CCDC7: variants seen among roughly 807,000 people sequenced by gnomAD.
CCDC7 encodes the protein coiled-coil domain-containing protein 7.
Under a neutral mutation model 196.9 loss-of-function variants are expected in CCDC7, and 183 were observed. That is an observed-to-expected ratio of 0.93 (90% CI 0.82 to 1.05). CCDC7 has a LOEUF of 1.05. Ranked by LOEUF, CCDC7 falls within the 50% of genes least tolerant of loss-of-function variation. CCDC7 has a pLI of 0.00. For synonymous variants in CCDC7, 525 were observed against 484.6 expected, an observed-to-expected ratio of 1.08 and a Z score of -1.10; for missense variants, 1,540 against 1,482.2, an observed-to-expected ratio of 1.04 and a Z score of -0.64.
At chr10:32,594,791 G>C (rs144875344) in intron 18 of CCDC7, among the ~76,000 whole-genome samples, 15,987 of 152,152 alleles carry the variant, frequency 0.11, 1,040 homozygotes, top group South Asian at 0.25. Context: ...GGCCTTTTCT[G>C]CATCTGTTGA....
At chr10:32,446,596 T>G (rs2031110544) in intron 1 of CCDC7, 199 bp downstream of exon 1, 1 of 152,172 alleles carries the variant, frequency 6.6e-6, no homozygotes, top group African/African-American at 2.4e-5. Flanking sequence ...TCTCCTCTAT[T>G]TTGTACACTT....
At chr10:32,604,619 T>G (rs1220089792) in intron 18 of CCDC7, among the ~76,000 whole-genome samples, 3 of 152,190 alleles carry the variant, frequency 2.0e-5, no homozygotes, top group African/African-American at 7.2e-5. Flanking sequence ...TTTACAGCTT[T>G]CTTTACAGAG....
intron 21 of CCDC7, among the ~76,000 whole-genome samples, chr10:32,677,650 C>A (rs2075232336): frequency 6.6e-6 from 1 of 151,590 alleles, no homozygotes. Flanking sequence ...TCAAAATTTT[C>A]TTTGAGTTTT....
chr10:32,684,811 G>A (rs1191456050), intron 21 of CCDC7, among the ~76,000 whole-genome samples: 4 of 152,230 alleles, frequency 2.6e-5, no homozygotes, highest in Admixed American at 6.5e-5. Context: ...TGTGTGTACC[G>A]TCTCTTCTCC....
At chr10:32,857,327 A>AT (rs959407802) in intron 41 of CCDC7, among the ~76,000 whole-genome samples, 4 of 152,100 alleles carry the variant, frequency 2.6e-5, no homozygotes, top group African/African-American at 4.8e-5. Flanking sequence ...CAGAACATAC[A>AT]TTTTTTTCTA....
intron 8 of CCDC7, among the ~76,000 whole-genome samples, chr10:32,483,866 G>C (rs1346150161): frequency 6.6e-6 from 1 of 152,098 alleles, no homozygotes; most frequent in African/African-American, 2.4e-5. Flanking sequence ...TCTCTGTTTT[G>C]ATACCAGTAC....
rs867318723 is a variant in CCDC7, at chr10:32,629,492, T to A, written c.1802-4762T>A. On this transcript the variant is annotated intron_variant, in intron 18 of 41. Coordinates refer to ENST00000639629, the Ensembl canonical transcript of CCDC7. ...AGGCTACAAAAGTCGGTCTCCTTGA[T>A]GTGCATATAAACTACAAGAGAGAGA... Among the ~76,000 whole-genome samples the A allele has an allele frequency of 5.6e-4, 85 of 152,222 alleles. No individual in the cohort carries two copies. In the Middle Eastern group the frequency reaches 0.014, roughly 24 times the overall value.
chr10:32,733,964 T>C (rs958476686), intron 28 of CCDC7, among the ~76,000 whole-genome samples: 3 of 152,122 alleles, frequency 2.0e-5, no homozygotes, highest in Admixed American at 6.6e-5. Flanking sequence ...AAGAGAACAC[T>C]TACACACTGT....
intron 28 of CCDC7, among the ~76,000 whole-genome samples, chr10:32,775,288 G>T (rs1416803806): frequency 6.6e-6 from 1 of 152,066 alleles, no homozygotes; most frequent in African/African-American, 2.4e-5. Context: ...AGTATCAGAG[G>T]GCTATGGAAA....
intron 24 of CCDC7, among the ~76,000 whole-genome samples, chr10:32,695,481 G>A (rs2077593439): frequency 5.3e-5 from 8 of 152,200 alleles, no homozygotes; most frequent in Admixed American, 5.2e-4. Context: ...TAAGGGTAGA[G>A]GTCTTATTGG....
intron 17 of CCDC7, 64 bp downstream of exon 18, chr10:32,583,371 T>C: frequency 9.2e-7 from 1 of 1,082,084 alleles, no homozygotes; most frequent in Non-Finnish European, 1.2e-6. Context: ...AAATAAATGC[T>C]AACCCATTTA....
At chr10:32,853,906 C>T (rs1369082305) in intron 40 of CCDC7, among the ~76,000 whole-genome samples, 2 of 152,056 alleles carry the variant, frequency 1.3e-5, no homozygotes, top group Non-Finnish European at 2.9e-5. Context: ...ATTTCAGATT[C>T]ATGGGGTATA....
chr10:32,683,682 G>T (rs1412723362), intron 21 of CCDC7, among the ~76,000 whole-genome samples: 1 of 152,152 alleles, frequency 6.6e-6, no homozygotes, highest in Admixed American at 6.5e-5. Context: ...TCACTGTAGA[G>T]ATCTTTCACC....
At chr10:32,462,889 G>T in intron 4 of CCDC7, 128 bp from the exon 6 acceptor site, 5 of 1,418,402 alleles carry the variant, frequency 3.5e-6, no homozygotes, top group South Asian at 2.6e-5. Context: ...GTGATGTTTC[G>T]GTCAGGGCTG....
chr10:32,479,838 CTTT>C (rs61485925), intron 8 of CCDC7, among the ~76,000 whole-genome samples: 5 of 145,620 alleles, frequency 3.4e-5, no homozygotes, highest in Non-Finnish European at 3.0e-5. Flanking sequence ...CTGGTTTTTT[CTTT>C]TTTTTTTTTT....
rs114850797 is a variant in CCDC7 at position 32,534,129 on chromosome 10, A to C, written c.994-9171A>C. Among the ~76,000 whole-genome samples, 1,277 of 152,040 alleles carry C rather than the reference A, an allele frequency of 8.4e-3. 27 individuals carry two copies. The highest frequency in any genetic ancestry group is 0.028 in the African/African-American group (1,176 of 41,468). On this transcript the variant is annotated intron_variant, in intron 11 of 41. Transcript: ENST00000639629. ...TTTTTTCTCCTTTTTGTATTTTCAA[A>C]TAGCCAATCTTAGATTTCACTGAAT...
intron 21 of CCDC7, among the ~76,000 whole-genome samples, chr10:32,685,438 T>TAGTTTC (rs1477269449): frequency 1.3e-5 from 2 of 152,190 alleles, no homozygotes; most frequent in Non-Finnish European, 2.9e-5. Flanking sequence ...CCATGGTTTT[T>TAGTTTC]AGTTTCTGTC....
chr10:32,703,626 A>T (rs1476252776), intron 24 of CCDC7, among the ~76,000 whole-genome samples: 3 of 151,968 alleles, frequency 2.0e-5, no homozygotes, highest in African/African-American at 7.2e-5. Flanking sequence ...ACTTGGTTCC[A>T]TTCACCCCTT....
chr10:32,669,585 CTCT>C (rs775171811), intron 21 of CCDC7, among the ~76,000 whole-genome samples: 18 of 152,022 alleles, frequency 1.2e-4, no homozygotes, highest in Admixed American at 4.6e-4. Context: ...ATTCATATTT[CTCT>C]TCTTCATGAT....
Sources: gnomAD v4.1 joint callset for allele counts (sites outside exome capture counted in the v4.1 genomes callset) on GRCh38, gnomAD v4.1.1 for gene constraint, MANE v1.5 for transcripts, NCBI Gene and HGNC (gene_info 2026-07-23, HGNC 2026-07-21) for gene names.